JADE2: variants seen among roughly 807,000 people sequenced by gnomAD.
JADE2 encodes jade family PHD finger 2.
A neutral mutation model predicts 85.7 loss-of-function variants in JADE2; 13 were observed. That is an observed-to-expected ratio of 0.15 (90% CI 0.10 to 0.24). The LOEUF is 0.24. Among genes scored for constraint, JADE2 ranks in the 10% least tolerant of loss-of-function variants. The probability of loss-of-function intolerance (pLI) is 1.00; values close to 1 mark genes in which losing one functional copy is unlikely to be tolerated. For missense variants in JADE2, 846 were observed against 1,115.9 expected, an observed-to-expected ratio of 0.76 and a Z score of 3.45; for synonymous variants, 440 against 456.1, an observed-to-expected ratio of 0.96 and a Z score of 0.45.
rs1325488364 is a variant in JADE2 at position 134,559,853 on chromosome 5, C to G, written c.335C>G (p.Pro112Arg). 5 of 1,611,646 alleles carry G rather than the reference C, an allele frequency of 3.1e-6. No homozygotes were observed. The highest frequency in any genetic ancestry group is 4.2e-6 in the Non-Finnish European group (5 of 1,179,060). Residue 112 changes from proline to arginine, a missense_variant, in exon 5 of 12, where the codon CCC becomes CGC. Around this residue, in one of 9 missense-constraint regions of JADE2, gnomAD observed 78 missense variants for 64.9 expected, o/e 1.20. Coordinates refer to ENST00000681547, the MANE Select transcript of JADE2 (RefSeq NM_001388185.1). The stretch of plus-strand genomic sequence containing the variant: ...AGGATCCTCCCACCACTGGAAGGCC[C>G]CCCTGCCCAGGCATCCCCGAGCAGC... Reference protein sequence around the residue: ...VVRILPPLEGPPAQASPSSTM... With the variant: ...VVRILPPLEGRPAQASPSSTM...
intron 1 of JADE2, among the ~76,000 whole-genome samples, chr5:134,527,256 C>T (rs1260878658): frequency 2.0e-5 from 3 of 151,912 alleles, no homozygotes; most frequent in Non-Finnish European, 4.4e-5. Context: ...TGCGGAGCGG[C>T]GCCCGCCCGC....
chr5:134,548,399 T>C (rs1762418292), intron 3 of JADE2, among the ~76,000 whole-genome samples: 3 of 152,100 alleles, frequency 2.0e-5, no homozygotes, highest in Admixed American at 2.0e-4. Flanking sequence ...AAAATAGGGA[T>C]GATGGTAGTA....
intron 9 of JADE2, among the ~76,000 whole-genome samples, chr5:134,569,329 C>G (rs1763848153): frequency 6.6e-6 from 1 of 152,200 alleles, no homozygotes; most frequent in South Asian, 2.1e-4. Context: ...TTCGTTCCTC[C>G]TCAGCCAGGC....
chr5:134,527,756 C>G lies in JADE2; in HGVS notation c.-1+1745C>G, dbSNP rs1760956493. Among the ~76,000 whole-genome samples the G allele has an allele frequency of 2.0e-5, 3 of 152,124 alleles. No individual in the cohort carries two copies. The South Asian group carries it at 6.2e-4, about 31-fold the overall frequency. ...GGCGCGCGCAACTCCCCTCCCAATC[C>G]CCTCAGCCACTGCCGCTGGCCTGGG... On this transcript the variant is annotated intron_variant, in intron 1 of 11. Transcript: ENST00000681547.
intron 4 of JADE2, among the ~76,000 whole-genome samples, chr5:134,552,987 CT>C (rs34182692): frequency 5.3e-4 from 33 of 62,416 alleles, no homozygotes; most frequent in South Asian, 1.7e-3. Flanking sequence ...TGGGCCTGGC[CT>C]TTTTTTTTTT....
At position 134,582,104 on chromosome 5, in the gene JADE2, G is replaced by A. The variant is rs376539467; in HGVS notation, c.*2787G>A. On this transcript the variant is annotated 3_prime_UTR_variant, in exon 12 of 12. Transcript: ENST00000681547. ...GAGAAGCTGCTCTGTAACTCATTCT[G>A]GCTATCGTCCCCCTTCTCACTGACC... 6.6e-6 allele frequency: 1 copy of A among 152,178 alleles called. No homozygotes were observed. The highest frequency in any genetic ancestry group is 1.9e-4 in the East Asian group (1 of 5,204). The allele number at this position is 152,178 out of a possible 1,614,324, so 9.4% of individuals were successfully genotyped here. A position where few individuals can be genotyped will look rare whatever the true frequency, so the allele number is the denominator to read the frequency against.
At chr5:134,551,533 T>C (rs568130854) in intron 3 of JADE2, among the ~76,000 whole-genome samples, 6 of 151,604 alleles carry the variant, frequency 4.0e-5, no homozygotes, top group African/African-American at 1.5e-4. Flanking sequence ...CTGGCCCTTT[T>C]TTTTTTTTTT....
intron 7 of JADE2, 96 bp from the exon 8 acceptor site, chr5:134,564,398 C>G: frequency 1.4e-6 from 1 of 731,726 alleles, no homozygotes; most frequent in East Asian, 3.0e-5. Context: ...CCTGTCTGCC[C>G]ACCACCTAGT....
chr5:134,568,661 G>A (rs145475473), intron 9 of JADE2, among the ~76,000 whole-genome samples: 272 of 152,310 alleles, frequency 1.8e-3, no homozygotes, highest in African/African-American at 6.4e-3. Context: ...CTGGGCTGGC[G>A]GGCACCAGCT....
chr5:134,563,511 G>C (rs1581459602), intron 7 of JADE2, among the ~76,000 whole-genome samples: 1 of 152,152 alleles, frequency 6.6e-6, no homozygotes, highest in South Asian at 2.1e-4. Context: ...CATTTTATTT[G>C]AAATGTGAAA....
Position 134,566,024 on chromosome 5 carries a change from A to T in JADE2, c.970-92A>T. Reference sequence around the variant, plus strand: ...GTTTAGGTTCTCTCCAGCATTGCGCATTCTCAGTAGAGCCCTGGGGGAAGC... The same window carrying T: ...GTTTAGGTTCTCTCCAGCATTGCGCTTTCTCAGTAGAGCCCTGGGGGAAGC... On this transcript the variant is annotated intron_variant, in intron 8 of 11. Coordinates refer to ENST00000681547, the MANE Select transcript of JADE2 (RefSeq NM_001388185.1). The surrounding 1 kb of genome is among the most constrained non-coding windows in gnomAD (Gnocchi z 6.7). The T allele has an allele frequency of 8.9e-7, 1 of 1,118,022 alleles. No homozygotes were observed. The highest frequency in any genetic ancestry group is 1.5e-5 in the South Asian group (1 of 68,336). 69.3% of individuals were successfully genotyped at this position (1,118,022 alleles called of 1,614,324 possible).
At chr5:134,565,170 T>TTGA (rs1198742717) in intron 8 of JADE2, among the ~76,000 whole-genome samples, 2 of 152,242 alleles carry the variant, frequency 1.3e-5, no homozygotes, top group African/African-American at 4.8e-5. Context: ...CCAAGGGATG[T>TTGA]TGATGCCTCA....
chr5:134,576,946 C>T (rs1454091790), intron 11 of JADE2, 50 bp downstream of exon 11: 1 of 1,493,538 alleles, frequency 6.7e-7, no homozygotes, highest in East Asian at 2.5e-5. Context: ...TGACCATCAC[C>T]ACGCTTGCAG....
At chr5:134,535,152 A>C (rs1368460580) in intron 1 of JADE2, among the ~76,000 whole-genome samples, 1 of 152,186 alleles carries the variant, frequency 6.6e-6, no homozygotes, top group Admixed American at 6.5e-5. Context: ...TGAGGCCCCT[A>C]TGTGAGAGTT....
chr5:134,577,008 A>C, intron 11 of JADE2, 112 bp downstream of exon 11: 1 of 1,296,388 alleles, frequency 7.7e-7, no homozygotes, highest in Non-Finnish European at 1.0e-6. Context: ...ACTGAGGCTC[A>C]AGAGCGGTAA....
intron 4 of JADE2, among the ~76,000 whole-genome samples, chr5:134,553,489 G>T (rs551116383): frequency 1.5e-4 from 23 of 152,254 alleles, no homozygotes; most frequent in African/African-American, 5.5e-4. Flanking sequence ...GAATAGCTGG[G>T]ATGACAGGTG....
intron 2 of JADE2, among the ~76,000 whole-genome samples, chr5:134,537,313 G>A (rs1392662614): frequency 6.6e-6 from 1 of 152,228 alleles, no homozygotes; most frequent in East Asian, 1.9e-4. Context: ...CTGTCATCCA[G>A]CAAGGGCCTT....
At chr5:134,571,513 A>T (rs1764013190) in intron 9 of JADE2, among the ~76,000 whole-genome samples, 1 of 152,190 alleles carries the variant, frequency 6.6e-6, no homozygotes, top group African/African-American at 2.4e-5. Context: ...CCTGGCCAAC[A>T]TGGTGAAACC....
rs1764715929 is a variant in JADE2, at chr5:134,581,654, T to A, written c.*2337T>A. ...AGCCTCTGCTCACATTGTTGGCCTCTGGATTCTGGCCCTTCTTCATTGGCT... is the reference window on the plus strand; with the variant it reads ...AGCCTCTGCTCACATTGTTGGCCTCAGGATTCTGGCCCTTCTTCATTGGCT... On this transcript the variant is annotated 3_prime_UTR_variant, in exon 12 of 12. Transcript: ENST00000681547. 1 of 153,228 alleles carries A rather than the reference T, an allele frequency of 6.5e-6. No homozygotes were observed. The highest frequency in any genetic ancestry group is 1.5e-5 in the Non-Finnish European group (1 of 68,868). 9.5% of individuals were successfully genotyped at this position (153,228 alleles called of 1,614,324 possible).
Sources: allele counts gnomAD v4.1 joint callset (sites outside exome capture counted in the v4.1 genomes callset), GRCh38; gene constraint gnomAD v4.1.1; regional missense constraint gnomAD v4.1.1; non-coding constraint Gnocchi (gnomAD v3.1); transcripts MANE v1.5; gene names NCBI Gene and HGNC (gene_info 2026-07-23, HGNC 2026-07-21).